Variants in RABGEF1 observed in about 807,000 individuals in gnomAD.
RABGEF1 encodes the protein RAB guanine nucleotide exchange factor 1, also known as rab5 GDP/GTP exchange factor.
In RABGEF1, 26 loss-of-function variants were observed where a neutral mutation model predicts 57.3. The ratio of observed to expected loss-of-function variants is 0.45; its 90% CI spans 0.33 to 0.63. The LOEUF is 0.63. Ranked by LOEUF, RABGEF1 falls within the 20% of genes least tolerant of loss-of-function variation. The pLI, the probability that RABGEF1 is intolerant of heterozygous loss-of-function variation, is 0.02. For missense variants in RABGEF1, 464 were observed against 607.6 expected (o/e 0.76, Z 2.48); for synonymous variants, 185 against 210.7 (o/e 0.88, Z 1.06).
Position 66,755,845 on chromosome 7 carries a change from A to G in RABGEF1, c.-18+15053A>G, listed in dbSNP as rs545797355. On this transcript the variant is annotated intron_variant, in intron 1 of 8. Transcript: ENST00000284957. ...GCTTGCTCTGCTCATTCCAGCAGCAATCAACTCTACATTGTATTCCAGGGA... is the reference window on the plus strand; with the variant it reads ...GCTTGCTCTGCTCATTCCAGCAGCAGTCAACTCTACATTGTATTCCAGGGA... 1.4e-4 allele frequency: 64 copies of G among 447,906 alleles called. 1 individual carries two copies. Among genetic ancestry groups the G allele is most frequent in the South Asian group, 1.1e-3 (28 of 26,046 alleles). 27.7% of individuals were successfully genotyped at this position (447,906 alleles called of 1,614,324 possible).
intron 1 of RABGEF1, among the ~76,000 whole-genome samples, chr7:66,755,483 G>T (rs1229780018): frequency 6.6e-6 from 1 of 150,698 alleles, no homozygotes; most frequent in Non-Finnish European, 1.5e-5. Flanking sequence ...GTCAAGAAAA[G>T]AAAAGAAAAA....
At chr7:66,764,853 A>G (rs1394708457) in intron 1 of RABGEF1, among the ~76,000 whole-genome samples, 1 of 152,180 alleles carries the variant, frequency 6.6e-6, no homozygotes, top group African/African-American at 2.4e-5. Flanking sequence ...GCGCTGTAGT[A>G]ATTACCATGG....
intron 1 of RABGEF1, among the ~76,000 whole-genome samples, chr7:66,707,903 A>T (rs1347174693): frequency 6.6e-6 from 1 of 151,806 alleles, no homozygotes; most frequent in Non-Finnish European, 1.5e-5. Context: ...CTTAAAGCCA[A>T]TTTTTTTCTG....
intron 1 of RABGEF1, among the ~76,000 whole-genome samples, chr7:66,698,164 C>T (rs1263173118): frequency 6.6e-6 from 1 of 152,012 alleles, no homozygotes; most frequent in Admixed American, 6.6e-5. Context: ...AAGGCTGTGC[C>T]TCCCGCATTA....
At chr7:66,724,366 A>T (rs201507468) in intron 2 of RABGEF1, among the ~76,000 whole-genome samples, 3,304 of 145,446 alleles carry the variant, frequency 0.023, 80 homozygotes, top group East Asian at 0.1. Flanking sequence ...TATTTATTTT[A>T]TTTTTTTTTT....
At chr7:66,689,811 A>T (rs1315297322) in intron 1 of RABGEF1, among the ~76,000 whole-genome samples, 1 of 152,102 alleles carries the variant, frequency 6.6e-6, no homozygotes, top group Non-Finnish European at 1.5e-5. Flanking sequence ...TCAAAAAAAA[A>T]AAAAAGAAAA....
chr7:66,733,162 T>C (rs1797536277), intron 2 of RABGEF1, among the ~76,000 whole-genome samples: 1 of 152,154 alleles, frequency 6.6e-6, no homozygotes, highest in African/African-American at 2.4e-5. Flanking sequence ...TGGAAAGTCT[T>C]GGCCGTTTGG....
intron 1 of RABGEF1, chr7:66,769,058 T>G (rs900488195): frequency 2.0e-5 from 3 of 152,274 alleles, no homozygotes; most frequent in African/African-American, 7.2e-5. Context: ...TCTCTCTGGC[T>G]GTTAGGAGTT....
chr7:66,783,600 G>A (rs1810470410), intron 3 of RABGEF1, 75 bp from the exon 4 acceptor site: 3 of 1,276,804 alleles, frequency 2.3e-6, no homozygotes, highest in East Asian at 5.1e-5. Flanking sequence ...AATAACCTTA[G>A]GTAAGATACT....
At chr7:66,704,910 A>G (rs551759108) in intron 1 of RABGEF1, among the ~76,000 whole-genome samples, 7 of 152,144 alleles carry the variant, frequency 4.6e-5, no homozygotes, top group Non-Finnish European at 7.4e-5. Flanking sequence ...CAGCTGGCCT[A>G]TATTTAGTTT....
chr7:66,726,434 A>G (rs1202983080), intron 2 of RABGEF1, among the ~76,000 whole-genome samples: 1 of 152,094 alleles, frequency 6.6e-6, no homozygotes, highest in Admixed American at 6.5e-5. Context: ...GTGCCATCAT[A>G]GTTCACTGCA....
At chr7:66,786,556 A>T (rs1811233576) in intron 4 of RABGEF1, among the ~76,000 whole-genome samples, 2 of 151,944 alleles carry the variant, frequency 1.3e-5, no homozygotes, top group South Asian at 4.1e-4. Context: ...GGCACACACC[A>T]CCATGTCTGG....
intron 4 of RABGEF1, among the ~76,000 whole-genome samples, chr7:66,791,282 C>T (rs978937361): frequency 1.3e-4 from 20 of 152,134 alleles, no homozygotes; most frequent in Admixed American, 1.3e-3. Flanking sequence ...CTGTTTTCTT[C>T]ATCTAAATGT....
At chr7:66,733,593 G>T (rs570265406) in intron 2 of RABGEF1, among the ~76,000 whole-genome samples, 1 of 152,194 alleles carries the variant, frequency 6.6e-6, no homozygotes, top group Non-Finnish European at 1.5e-5. Context: ...AGCTACTCGG[G>T]AGGCTGAGGC....
the RABGEF1 span, chr7:66,669,054 G>A: frequency 2.0e-5 from 3 of 152,254 alleles, no homozygotes; most frequent in Non-Finnish European, 4.4e-5. Context: ...TCAGCAACCC[G>A]GGAGGGCATG....
the RABGEF1 span, among the ~76,000 whole-genome samples, chr7:66,659,751 C>T: frequency 6.6e-6 from 1 of 151,376 alleles, no homozygotes; most frequent in Non-Finnish European, 1.5e-5. Context: ...TGCATACCAG[C>T]CTGCACGACA....
At position 66,767,551 on chromosome 7, in the gene RABGEF1, T is replaced by G. The variant is rs182475220; in HGVS notation, c.-17-4332T>G. Among the ~76,000 whole-genome samples the G allele has an allele frequency of 3.2e-3, 490 of 152,340 alleles. 1 individual carries two copies. Among genetic ancestry groups the G allele is most frequent in the Non-Finnish European group, 6.0e-3 (405 of 68,026 alleles). On this transcript the variant is annotated intron_variant, in intron 1 of 8. Coordinates refer to ENST00000284957, the MANE Select transcript of RABGEF1 (RefSeq NM_014504.3). ...GGCTGCTATGGTCTGAATCTTTGTC[T>G]GTCCCCCAAATTCATATGTTGAAAT...
intron 1 of RABGEF1, among the ~76,000 whole-genome samples, chr7:66,744,266 C>T (rs7805152): frequency 0.34 from 51,204 of 150,886 alleles, 9,109 homozygotes; most frequent in Middle Eastern, 0.49. Flanking sequence ...GAAATGGTGG[C>T]TCACGCCTGT....
chr7:66,696,339 C>T (rs970280015), intron 1 of RABGEF1, among the ~76,000 whole-genome samples: 1 of 151,946 alleles, frequency 6.6e-6, no homozygotes, highest in Non-Finnish European at 1.5e-5. Flanking sequence ...GCTGGGATTA[C>T]AGGTGTGAGT....
Sources: allele counts gnomAD v4.1 joint callset (sites outside exome capture counted in the v4.1 genomes callset), GRCh38; gene constraint gnomAD v4.1.1; transcripts MANE v1.5; gene names NCBI Gene and HGNC (gene_info 2026-07-23, HGNC 2026-07-21).